The following PRICKLE2 variants were observed in gnomAD, a reference collection of about 807,000 sequenced individuals.
PRICKLE2 encodes prickle planar cell polarity protein 2, also known as prickle-like protein 2.
PRICKLE2 carries 21 observed loss-of-function variants against 81.4 expected under a neutral mutation model. The observed-to-expected ratio is 0.26, with a 90% CI of 0.18 to 0.37. PRICKLE2 has a LOEUF of 0.37. Among genes scored for constraint, PRICKLE2 ranks in the 10% least tolerant of loss-of-function variants. The pLI is 1.00. For missense variants in PRICKLE2, 940 were observed against 1,109.0 expected (o/e 0.85, Z 2.16); for synonymous variants, 456 against 421.5 (o/e 1.08, Z -1.00).
At chr3:64,178,295 T>C (rs2078059997) in intron 2 of PRICKLE2, among the ~76,000 whole-genome samples, 1 of 152,202 alleles carries the variant, frequency 6.6e-6, no homozygotes, top group Non-Finnish European at 1.5e-5. Flanking sequence ...CCCTTATCTA[T>C]ACCATGATTT....
At chr3:64,156,922 T>C (rs1254413792) in intron 5 of PRICKLE2, among the ~76,000 whole-genome samples, 1 of 152,192 alleles carries the variant, frequency 6.6e-6, no homozygotes, top group East Asian at 1.9e-4. Flanking sequence ...GGGATCTTCA[T>C]GGATACAGAA....
chr3:64,207,737 A>AAT (rs2078714728), intron 1 of PRICKLE2, among the ~76,000 whole-genome samples: 1 of 152,210 alleles, frequency 6.6e-6, no homozygotes, highest in Non-Finnish European at 1.5e-5. Flanking sequence ...ATAAAAAAAA[A>AAT]ATCTGACAAC....
At chr3:64,225,881 TCTC>T (rs986563831), upstream of PRICKLE2, among the ~76,000 whole-genome samples, 3 of 150,524 alleles carry the variant, frequency 2.0e-5, no homozygotes, top group African/African-American at 7.4e-5. Context: ...CAAAAATGCC[TCTC>T]CTTTTTTTTT....
At chr3:64,130,628 G>A (rs2077183654) in intron 7 of PRICKLE2, among the ~76,000 whole-genome samples, 1 of 152,186 alleles carries the variant, frequency 6.6e-6, no homozygotes, top group Non-Finnish European at 1.5e-5. Flanking sequence ...GGCACTAGGA[G>A]CAGAACCACC....
chr3:64,101,648 C>T (rs1209035059), intron 7 of PRICKLE2: 1 of 152,160 alleles, frequency 6.6e-6, no homozygotes, highest in Non-Finnish European at 1.5e-5. Flanking sequence ...AATAAATACA[C>T]AAACAGGGAA....
chr3:64,248,548 C>T (rs2079393779), intron 2 of PRICKLE2, among the ~76,000 whole-genome samples: 1 of 151,936 alleles, frequency 6.6e-6, no homozygotes, highest in Admixed American at 6.6e-5. Context: ...ACAGATCAAT[C>T]ACCATTCACA....
intron 1 of PRICKLE2, among the ~76,000 whole-genome samples, chr3:64,214,888 T>C (rs1001129146): frequency 6.6e-6 from 1 of 152,134 alleles, no homozygotes; most frequent in Non-Finnish European, 1.5e-5. Flanking sequence ...GTGGACTTCC[T>C]TGGTGCACGG....
chr3:64,137,022 T>C (rs1404943171), intron 7 of PRICKLE2, among the ~76,000 whole-genome samples: 1 of 152,240 alleles, frequency 6.6e-6, no homozygotes, highest in African/African-American at 2.4e-5. Context: ...ACTATGTTTA[T>C]AACCAAGTTA....
intron 2 of PRICKLE2, among the ~76,000 whole-genome samples, chr3:64,266,047 G>A (rs140524070): frequency 1.3e-5 from 2 of 152,134 alleles, no homozygotes; most frequent in Non-Finnish European, 2.9e-5. Context: ...TGAGATTGAG[G>A]GTATCACTGA....
At chr3:64,117,978 C>T (rs2076963600) in intron 7 of PRICKLE2, among the ~76,000 whole-genome samples, 1 of 152,148 alleles carries the variant, frequency 6.6e-6, no homozygotes, top group Admixed American at 6.6e-5. Flanking sequence ...GTAACCAAGG[C>T]AGGATGGTAC....
intron 2 of PRICKLE2, among the ~76,000 whole-genome samples, chr3:64,249,585 C>T (rs1323770687): frequency 6.6e-6 from 1 of 152,184 alleles, no homozygotes; most frequent in African/African-American, 2.4e-5. Flanking sequence ...TGCCACATTG[C>T]TCAACCCCAA....
At chr3:64,187,474 G>C (rs1174854799) in intron 2 of PRICKLE2, 1 of 152,222 alleles carries the variant, frequency 6.6e-6, no homozygotes, top group Non-Finnish European at 1.5e-5. Context: ...CTAACTAGGA[G>C]ATGCAGCTTA....
intron 2 of PRICKLE2, among the ~76,000 whole-genome samples, chr3:64,240,226 T>A (rs931007313): frequency 6.6e-6 from 1 of 152,100 alleles, no homozygotes; most frequent in East Asian, 1.9e-4. Flanking sequence ...GCCAGTTACA[T>A]GGGGAGGCCA....
At chr3:64,209,160 C>A (rs2078744114) in intron 1 of PRICKLE2, among the ~76,000 whole-genome samples, 1 of 151,890 alleles carries the variant, frequency 6.6e-6, no homozygotes, top group African/African-American at 2.4e-5. Flanking sequence ...CACCTATCCA[C>A]CCATCTATCG....
Position 64,244,059 on chromosome 3 carries a change from G to A in PRICKLE2, c.129-45092C>T, listed in dbSNP as rs926682502. Reference sequence around the variant, plus strand: ...CCCATCACCTGTTTGATGCCATGACGAATCAAAGACAACAGAAAAACTAAC... The same window carrying A: ...CCCATCACCTGTTTGATGCCATGACAAATCAAAGACAACAGAAAAACTAAC... On this transcript the variant is annotated intron_variant, in intron 2 of 8. Coordinates refer to the PRICKLE2 transcript ENST00000295902. 2.0e-4 allele frequency among the ~76,000 whole-genome samples: 30 copies of A among 152,128 alleles called. 1 individual carries two copies. Among genetic ancestry groups the A allele is most frequent in the Admixed American group, 1.5e-3 (23 of 15,268 alleles).
intron 2 of PRICKLE2, among the ~76,000 whole-genome samples, chr3:64,191,840 A>G (rs1405013579): frequency 6.6e-6 from 1 of 152,116 alleles, no homozygotes; most frequent in Non-Finnish European, 1.5e-5. Flanking sequence ...TCCTCATGCC[A>G]TGGCTCCCAC....
intron 2 of PRICKLE2, among the ~76,000 whole-genome samples, chr3:64,182,875 G>A (rs1474721283): frequency 2.6e-5 from 4 of 151,542 alleles, no homozygotes; most frequent in Non-Finnish European, 5.9e-5. Context: ...AGAAAACTGG[G>A]AAGGCTTCAT....
At chr3:64,137,697 C>T (rs1372107726) in intron 7 of PRICKLE2, among the ~76,000 whole-genome samples, 1 of 152,120 alleles carries the variant, frequency 6.6e-6, no homozygotes, top group East Asian at 1.9e-4. Context: ...ACATTGTCCT[C>T]GGCTTCCCAC....
chr3:64,168,318 G>A (rs894461800), intron 2 of PRICKLE2, among the ~76,000 whole-genome samples: 2 of 152,084 alleles, frequency 1.3e-5, no homozygotes, highest in African/African-American at 4.8e-5. Context: ...GGAAGAAGAA[G>A]AATTGTCTTG....
Sources: allele counts gnomAD v4.1 joint callset (sites outside exome capture counted in the v4.1 genomes callset), GRCh38; gene constraint gnomAD v4.1.1; transcripts MANE v1.5; gene names NCBI Gene and HGNC (gene_info 2026-07-23, HGNC 2026-07-21).